The following LRRC4C variants were observed in gnomAD, a reference collection of about 807,000 sequenced individuals.
LRRC4C encodes leucine-rich repeat-containing protein 4C.
In LRRC4C, 5 loss-of-function variants were observed where a neutral mutation model predicts 33.6. The ratio of observed to expected loss-of-function variants is 0.15; its 90% CI spans 0.08 to 0.31. The LOEUF is 0.31. Among genes scored for constraint, LRRC4C ranks in the 10% least tolerant of loss-of-function variants. The probability of loss-of-function intolerance (pLI) is 1.00; values close to 1 mark genes in which losing one functional copy is unlikely to be tolerated. For synonymous variants in LRRC4C, 329 were observed against 302.0 expected, an observed-to-expected ratio of 1.09 and a Z score of -0.93; for missense variants, 560 against 796.7, an observed-to-expected ratio of 0.70 and a Z score of 3.58.
chr11:41,398,437 A>G (rs1268321815), intron 1 of LRRC4C, among the ~76,000 whole-genome samples: 1 of 151,944 alleles, frequency 6.6e-6, no homozygotes, highest in Non-Finnish European at 1.5e-5. Context: ...CAGTTAATTT[A>G]CTTAGCAGAT....
chr11:40,984,940 C>T (rs1331912654), intron 1 of LRRC4C, among the ~76,000 whole-genome samples: 1 of 110,598 alleles, frequency 9.0e-6, no homozygotes, highest in African/African-American at 3.4e-5. Flanking sequence ...CTCGCTCTGT[C>T]ACTCAGGCTG....
intron 2 of LRRC4C, among the ~76,000 whole-genome samples, chr11:40,927,628 C>A (rs796678994): frequency 1.3e-5 from 2 of 152,076 alleles, no homozygotes; most frequent in East Asian, 3.9e-4. Flanking sequence ...GATTCTAGTC[C>A]TTTGCTCTTT....
At chr11:40,899,894 A>G (rs1461899605) in intron 2 of LRRC4C, among the ~76,000 whole-genome samples, 1 of 152,144 alleles carries the variant, frequency 6.6e-6, no homozygotes, top group East Asian at 1.9e-4. Flanking sequence ...TTTTAAAGAT[A>G]TGTTATTCCT....
intron 1 of LRRC4C, among the ~76,000 whole-genome samples, chr11:41,457,448 A>G (rs1321197058): frequency 6.6e-6 from 1 of 152,146 alleles, no homozygotes; most frequent in Non-Finnish European, 1.5e-5. Context: ...ATACCCTGCC[A>G]TGACCCATTG....
At chr11:41,161,569 A>T (rs1039900421) in intron 1 of LRRC4C, among the ~76,000 whole-genome samples, 5 of 152,142 alleles carry the variant, frequency 3.3e-5, no homozygotes, top group Non-Finnish European at 5.9e-5. Flanking sequence ...ATAACCTTTA[A>T]TTAGAGTGCA....
intron 1 of LRRC4C, among the ~76,000 whole-genome samples, chr11:41,452,832 C>T (rs1956068056): frequency 6.6e-6 from 1 of 152,042 alleles, no homozygotes; most frequent in Non-Finnish European, 1.5e-5. Context: ...TTTGTATCGT[C>T]TCTGGCACTG....
chr11:40,297,725 C>T (rs1007168411), intron 4 of LRRC4C, among the ~76,000 whole-genome samples: 4 of 151,904 alleles, frequency 2.6e-5, no homozygotes, highest in African/African-American at 4.8e-5. Flanking sequence ...TGAAAGCTTG[C>T]GAGTGCCAAG....
At chr11:41,060,978 C>T (rs7128752) in intron 1 of LRRC4C, among the ~76,000 whole-genome samples, 24,861 of 151,848 alleles carry the variant, frequency 0.16, 2,157 homozygotes, top group East Asian at 0.21. Flanking sequence ...GGATGTTCCC[C>T]GCCCCTTCCC....
chr11:40,951,517 T>G (rs1201116410), intron 1 of LRRC4C, among the ~76,000 whole-genome samples: 7 of 152,020 alleles, frequency 4.6e-5, no homozygotes, highest in Non-Finnish European at 7.4e-5. Flanking sequence ...TTACACACAT[T>G]GTATTGCATA....
intron 1 of LRRC4C, among the ~76,000 whole-genome samples, chr11:41,083,197 G>A (rs1031592500): frequency 7.9e-5 from 12 of 151,824 alleles, no homozygotes; most frequent in African/African-American, 2.9e-4. Flanking sequence ...CATGAATTTT[G>A]GATAACCCAC....
intron 3 of LRRC4C, among the ~76,000 whole-genome samples, chr11:40,368,432 A>G (rs1239133725): frequency 6.6e-6 from 1 of 152,146 alleles, no homozygotes; most frequent in Non-Finnish European, 1.5e-5. Flanking sequence ...ACCTTCCATA[A>G]TAAAGTTAAC....
intron 3 of LRRC4C, among the ~76,000 whole-genome samples, chr11:40,549,057 A>G (rs4756599): frequency 0.36 from 55,376 of 152,100 alleles, 11,327 homozygotes; most frequent in East Asian, 0.65. Flanking sequence ...CTGATTTTCA[A>G]ACTTGCATTA....
intron 2 of LRRC4C, among the ~76,000 whole-genome samples, chr11:40,695,801 C>A (rs142999824): frequency 1.3e-5 from 2 of 151,990 alleles, no homozygotes; most frequent in South Asian, 4.2e-4. Context: ...CTTTTACTTA[C>A]GAGGAGACAA....
chr11:40,614,565 G>A (rs1202671281), intron 3 of LRRC4C, among the ~76,000 whole-genome samples: 3 of 116,922 alleles, frequency 2.6e-5, no homozygotes, highest in East Asian at 2.1e-4. Context: ...TTTCTTCAAC[G>A]ACTTTTTTTT....
At chr11:41,283,451 G>A (rs79120518) in intron 1 of LRRC4C, among the ~76,000 whole-genome samples, 7 of 152,182 alleles carry the variant, frequency 4.6e-5, no homozygotes, top group East Asian at 1.9e-4. Flanking sequence ...TCTGCAGCCT[G>A]TTTTTGAAAG....
chr11:41,134,632 G>T (rs747951149), intron 1 of LRRC4C, among the ~76,000 whole-genome samples: 1 of 152,088 alleles, frequency 6.6e-6, no homozygotes, highest in Non-Finnish European at 1.5e-5. Flanking sequence ...CAAGGTGTTG[G>T]CAGAGCTATG....
intron 3 of LRRC4C, among the ~76,000 whole-genome samples, chr11:40,638,409 C>T (rs1229213640): frequency 1.3e-5 from 2 of 152,142 alleles, no homozygotes; most frequent in South Asian, 4.1e-4. Context: ...TCCATTTCTT[C>T]CTCTGTAATT....
chr11:40,549,371 C>G (rs968127655), intron 3 of LRRC4C, among the ~76,000 whole-genome samples: 1 of 152,118 alleles, frequency 6.6e-6, no homozygotes, highest in South Asian at 2.1e-4. Context: ...GAACACTTAC[C>G]TCTTCCCCTC....
At chr11:40,968,650 C>G (rs1189802623) in intron 1 of LRRC4C, among the ~76,000 whole-genome samples, 1 of 152,056 alleles carries the variant, frequency 6.6e-6, no homozygotes, top group Non-Finnish European at 1.5e-5. Flanking sequence ...TATGTTAAAA[C>G]TACTCTGCTT....
Sources: allele counts gnomAD v4.1 joint callset (sites outside exome capture counted in the v4.1 genomes callset), GRCh38; gene constraint gnomAD v4.1.1; transcripts MANE v1.5; gene names NCBI Gene and HGNC (gene_info 2026-07-23, HGNC 2026-07-21).